C3orf33: variants seen among roughly 807,000 people sequenced by gnomAD.
The protein encoded by C3orf33 is mitochondrial inner membrane subdomain organizer 1.
A neutral mutation model predicts 28.7 loss-of-function variants in C3orf33; 23 were observed. The ratio of observed to expected loss-of-function variants is 0.80; its 90% CI spans 0.58 to 1.13. C3orf33 has a LOEUF of 1.13. Among genes scored for constraint, C3orf33 ranks in the 50% most tolerant of loss-of-function variants. The pLI, the probability that C3orf33 is intolerant of heterozygous loss-of-function variation, is 0.00. For synonymous variants in C3orf33, 119 were observed against 120.5 expected, an observed-to-expected ratio of 0.99 and a Z score of 0.08; for missense variants, 327 against 353.4, an observed-to-expected ratio of 0.93 and a Z score of 0.60.
intron 1 of C3orf33, 23 bp from the exon 2 acceptor site, chr3:155,802,614 T>TA: frequency 6.5e-7 from 1 of 1,549,558 alleles, no homozygotes; most frequent in Non-Finnish European, 8.7e-7. Context: ...ATTTAAGGGT[T>TA]AACCCTCACT....
chr3:155,777,880 G>A (rs969397622), intron 2 of C3orf33, among the ~76,000 whole-genome samples: 3 of 152,172 alleles, frequency 2.0e-5, no homozygotes, highest in East Asian at 1.9e-4. Flanking sequence ...GGCCAGATGC[G>A]ATGGTTCATA....
At chr3:155,781,993 T>C (rs1428543443) in intron 2 of C3orf33, among the ~76,000 whole-genome samples, 2 of 151,662 alleles carry the variant, frequency 1.3e-5, no homozygotes, top group Non-Finnish European at 2.9e-5. Flanking sequence ...GGAGAACTGC[T>C]TGAACCCAGG....
At chr3:155,791,303 T>C (rs1751307407) in intron 2 of C3orf33, among the ~76,000 whole-genome samples, 1 of 152,080 alleles carries the variant, frequency 6.6e-6, no homozygotes, top group African/African-American at 2.4e-5. Flanking sequence ...CCCTTGGGTC[T>C]TGAATAACCA....
chr3:155,776,431 T>A (rs1238181603), intron 2 of C3orf33, among the ~76,000 whole-genome samples: 1 of 152,186 alleles, frequency 6.6e-6, no homozygotes, highest in Non-Finnish European at 1.5e-5. Context: ...GCCTATTTTT[T>A]CCACGTTAAC....
chr3:155,763,319 C>A lies in C3orf33; in HGVS notation c.*198G>T. 1 of 396,428 alleles carries A rather than the reference C, an allele frequency of 2.5e-6. No individual in the cohort carries two copies. The highest frequency in any genetic ancestry group is 4.3e-6 in the Non-Finnish European group (1 of 230,920). 24.6% of individuals were successfully genotyped at this position (396,428 alleles called of 1,614,324 possible). A position where few individuals can be genotyped will look rare whatever the true frequency, so the allele number is the denominator to read the frequency against. On this transcript the variant is annotated 3_prime_UTR_variant, in exon 5 of 5. Transcript: ENST00000340171. ...TAAAGTGTTTCATCCTTCCTAAAAT[C>A]ATATTACATTAATTATAATTTGTTT...
intron 2 of C3orf33, among the ~76,000 whole-genome samples, chr3:155,778,341 T>A (rs934713887): frequency 6.6e-6 from 1 of 152,198 alleles, no homozygotes; most frequent in Non-Finnish European, 1.5e-5. Flanking sequence ...GTTAAATTTA[T>A]TAGATGTGCT....
intron 2 of C3orf33, among the ~76,000 whole-genome samples, chr3:155,789,301 C>T (rs572014819): frequency 1.5e-4 from 22 of 149,634 alleles, no homozygotes; most frequent in South Asian, 4.2e-4. Context: ...GCCAAGATTG[C>T]GCCATGGCAC....
chr3:155,801,655 T>G (rs1193934777), intron 2 of C3orf33, among the ~76,000 whole-genome samples: 1 of 152,136 alleles, frequency 6.6e-6, no homozygotes, highest in African/African-American at 2.4e-5. Context: ...TTACATGAGA[T>G]ATCTAGAATG....
intron 1 of C3orf33, among the ~76,000 whole-genome samples, chr3:155,802,991 G>A (rs911442994): frequency 1.3e-5 from 2 of 151,964 alleles, no homozygotes; most frequent in African/African-American, 4.8e-5. Context: ...TATATGAACT[G>A]GTCTAGTACT....
intron 4 of C3orf33, among the ~76,000 whole-genome samples, chr3:155,767,081 C>T (rs1007142995): frequency 6.6e-6 from 1 of 152,010 alleles, no homozygotes; most frequent in African/African-American, 2.4e-5. Context: ...GGTGAAACCC[C>T]ATCTCTACTA....
At chr3:155,792,136 G>C (rs534869002) in intron 2 of C3orf33, among the ~76,000 whole-genome samples, 38 of 152,266 alleles carry the variant, frequency 2.5e-4, no homozygotes, top group African/African-American at 8.7e-4. Context: ...CAGACAGAGA[G>C]ACTCTACTTT....
intron 3 of C3orf33, among the ~76,000 whole-genome samples, chr3:155,769,485 CA>C (rs59639224): frequency 0.081 from 6,866 of 84,278 alleles, 212 homozygotes; most frequent in African/African-American, 0.18. Flanking sequence ...GAGACTGTTT[CA>C]AAAAAAAAAA....
At chr3:155,804,185 GA>G in intron 1 of C3orf33, 2 of 430,024 alleles carry the variant, frequency 4.7e-6, no homozygotes, top group Admixed American at 5.3e-5. Flanking sequence ...TAAAAAAAAA[GA>G]AAAAGGAAAT....
chr3:155,776,857 G>A (rs1750765583), intron 2 of C3orf33, among the ~76,000 whole-genome samples: 1 of 151,028 alleles, frequency 6.6e-6, no homozygotes, highest in Non-Finnish European at 1.5e-5. Context: ...AATAGTGTAG[G>A]AGACAAACCC....
intron 3 of C3orf33, among the ~76,000 whole-genome samples, chr3:155,775,488 C>CA (rs34514421): frequency 0.26 from 32,340 of 122,042 alleles, 4,394 homozygotes; most frequent in East Asian, 0.52. Flanking sequence ...AACTCTGTCT[C>CA]AAAAAAAAAA....
At chr3:155,775,290 G>C (rs1750705778) in intron 3 of C3orf33, among the ~76,000 whole-genome samples, 1 of 152,124 alleles carries the variant, frequency 6.6e-6, no homozygotes, top group African/African-American at 2.4e-5. Context: ...AGAAGTCCAA[G>C]ACCAGCCTGA....
At chr3:155,771,056 T>TGTGTGG (rs1271435779) in intron 3 of C3orf33, among the ~76,000 whole-genome samples, 1 of 136,194 alleles carries the variant, frequency 7.3e-6, no homozygotes, top group Non-Finnish European at 1.6e-5. Context: ...TGTGTGTGTG[T>TGTGTGG]TGAGACATAG....
At chr3:155,788,900 C>G (rs1451847781) in intron 2 of C3orf33, among the ~76,000 whole-genome samples, 2 of 152,124 alleles carry the variant, frequency 1.3e-5, no homozygotes, top group Non-Finnish European at 2.9e-5. Context: ...TACCTCTGTT[C>G]ACAGATTATA....
chr3:155,780,500 C>T (rs529488068), intron 2 of C3orf33, among the ~76,000 whole-genome samples: 1 of 152,302 alleles, frequency 6.6e-6, no homozygotes, highest in Non-Finnish European at 1.5e-5. Context: ...AGTGCTGGCA[C>T]AATGCCAAAC....
Sources: gnomAD v4.1 joint callset for allele counts (sites outside exome capture counted in the v4.1 genomes callset) on GRCh38, gnomAD v4.1.1 for gene constraint, MANE v1.5 for transcripts, NCBI Gene and HGNC (gene_info 2026-07-23, HGNC 2026-07-21) for gene names.